Variants in MS4A7 observed in about 807,000 individuals in gnomAD.
MS4A7 encodes the protein membrane spanning 4-domains A7.
MS4A7 carries 21 observed loss-of-function variants against 23.5 expected under a neutral mutation model. The ratio of observed to expected loss-of-function variants is 0.89; its 90% confidence interval spans 0.63 to 1.29. The LOEUF (loss-of-function observed/expected upper bound fraction) is 1.29. MS4A7 is among the 50% of genes most tolerant of loss of function. MS4A7 has a pLI of 0.00. For missense variants in MS4A7, 263 were observed against 274.2 expected (o/e 0.96, Z 0.29); for synonymous variants, 111 against 107.4 (o/e 1.03, Z -0.21).
At chr11:60,383,404 C>A in intron 2 of MS4A7, 116 bp downstream of exon 2, 3 of 1,193,808 alleles carry the variant, frequency 2.5e-6, no homozygotes, top group Non-Finnish European at 3.5e-6. Context: ...TGACTCCAGG[C>A]TAATGAGGAC....
At chr11:60,393,388 G>A (rs978219009) in intron 6 of MS4A7, among the ~76,000 whole-genome samples, 7 of 152,188 alleles carry the variant, frequency 4.6e-5, no homozygotes, top group Admixed American at 1.3e-4. Flanking sequence ...CCTGCCTCCC[G>A]AGAGAGTCTC....
chr11:60,386,769 C>A lies in MS4A7; in HGVS notation c.335C>A (p.Pro112His), dbSNP rs2233249. The change falls in exon 4 of 7, where the codon CCC (proline) becomes CAC (histidine). Residue 112 changes from proline (P) to histidine (H), a missense_variant. Transcript: ENST00000300184. ...SIISGKQSTKPFDLSSLTSNA... is the reference protein window; with the variant it reads ...SIISGKQSTKHFDLSSLTSNA... ...ATCTCTGGAAAACAATCAACTAAGC[C>A]CTTTGTAAGTATAAGGACCATCAAA... is the stretch of plus-strand genomic sequence containing the variant. The A allele has an allele frequency of 5.0e-3, 8,111 of 1,610,516 alleles. 278 individuals are homozygous for A. In the African/African-American group the frequency reaches 0.071, roughly 14 times the overall value.
At chr11:60,380,691 C>T (rs2085419441) in intron 1 of MS4A7, among the ~76,000 whole-genome samples, 1 of 152,186 alleles carries the variant, frequency 6.6e-6, no homozygotes, top group Admixed American at 6.5e-5. Context: ...GCTATTGAGC[C>T]ACACAGAGCA....
In MS4A7 at chr11:60,389,584, T is replaced by C. The variant is rs751448392; in HGVS notation, c.534T>C (p.Ser178=). Reference sequence around the variant, plus strand: ...AAATCAAAGATTGTCTCCTGACCAGTGTCAGTTTAACAGTGAGTAGTTTCA... The same window carrying C: ...AAATCAAAGATTGTCTCCTGACCAGCGTCAGTTTAACAGTGAGTAGTTTCA... ...IYEIKDCLLT[S]VSLTGVLVVM... is the part of the protein sequence containing the mutation. The change falls in exon 5 of 7, where the codon AGT becomes AGC. Residue 178 remains serine (S), a synonymous_variant. Coordinates refer to ENST00000300184, the MANE Select transcript of MS4A7 (RefSeq NM_021201.5). The C allele has an allele frequency of 6.2e-7, 1 of 1,613,536 alleles. No homozygotes were observed.
intron 4 of MS4A7, 55 bp from the exon 5 acceptor site, chr11:60,389,335 A>G (rs1051889782): frequency 6.9e-7 from 1 of 1,439,864 alleles, no homozygotes; most frequent in Non-Finnish European, 9.6e-7. Flanking sequence ...CAGAGGACTA[A>G]TAGTGTCACG....
intron 1 of MS4A7, among the ~76,000 whole-genome samples, chr11:60,379,406 GTGAT>G (rs1181978288): frequency 4.6e-5 from 7 of 152,190 alleles, no homozygotes; most frequent in Non-Finnish European, 5.9e-5. Context: ...TCATGAACAT[GTGAT>G]TGATTAAATG....
intron 1 of MS4A7, among the ~76,000 whole-genome samples, chr11:60,382,277 A>C (rs2085438793): frequency 6.6e-6 from 1 of 152,202 alleles, no homozygotes; most frequent in Admixed American, 6.5e-5. Flanking sequence ...TTAACATGGC[A>C]TAGAGAAAAA....
rs569429488 is a variant in MS4A7, at chr11:60,393,781, T to C, written c.649-6T>C. ...TAAAAATTCTAACCAATTATGTATT[T>C]TCTAGAGTTCATTTTCCTCGACCCA... On this transcript the variant is annotated splice_region_variant and splice_polypyrimidine_tract_variant and intron_variant, in intron 6 of 6. Transcript: ENST00000300184. 2.1e-5 allele frequency: 33 copies of C among 1,601,134 alleles called. No homozygotes were observed. The South Asian group carries it at 3.6e-4, about 17-fold the overall frequency.
chr11:60,383,682 GGT>G (rs2085453748), intron 2 of MS4A7: 1 of 153,332 alleles, frequency 6.5e-6, no homozygotes, highest in Non-Finnish European at 1.4e-5. Context: ...TGGGACTATG[GGT>G]GCACGCCACC....
At chr11:60,384,823 T>G (rs1326589930) in intron 2 of MS4A7, among the ~76,000 whole-genome samples, 1 of 152,066 alleles carries the variant, frequency 6.6e-6, no homozygotes, top group Non-Finnish European at 1.5e-5. Context: ...ATTTAAAAAC[T>G]GTCAAGTATC....
intron 4 of MS4A7, among the ~76,000 whole-genome samples, chr11:60,387,358 G>C (rs967160583): frequency 1.3e-5 from 2 of 152,092 alleles, no homozygotes; most frequent in Non-Finnish European, 2.9e-5. Context: ...CTGTGACCGT[G>C]GTAACAAGTT....
chr11:60,389,156 A>G, intron 4 of MS4A7: 4 of 507,038 alleles, frequency 7.9e-6, no homozygotes, highest in Non-Finnish European at 1.4e-5. Context: ...CCCTCTCCCT[A>G]AGGAGGAATT....
intron 1 of MS4A7, among the ~76,000 whole-genome samples, chr11:60,382,870 C>T (rs967364218): frequency 1.3e-5 from 2 of 152,148 alleles, no homozygotes; most frequent in African/African-American, 4.8e-5. Context: ...ATGTGATTTG[C>T]TCACCTCTCA....
In MS4A7 at chr11:60,386,704, C is replaced by A; in HGVS notation, c.283-13C>A. ...AGACAACTGAACTGATCATTTCTCT[C>A]TCTTCTGGGCAGTTTGGCATTACTG... On this transcript the variant is annotated splice_polypyrimidine_tract_variant and intron_variant, in intron 3 of 6. Coordinates refer to ENST00000300184, the MANE Select transcript of MS4A7 (RefSeq NM_021201.5). 6.2e-7 allele frequency: 1 copy of A among 1,607,650 alleles called. No individual in the cohort carries two copies. The highest frequency in any genetic ancestry group is 8.5e-7 in the Non-Finnish European group (1 of 1,174,884).
At chr11:60,386,690 C>T in intron 3 of MS4A7, 27 bp from the exon 4 acceptor site, 1 of 1,591,776 alleles carries the variant, frequency 6.3e-7, no homozygotes. Context: ...GACAACTGAA[C>T]TGATCATTTC....
In MS4A7 at chr11:60,395,059, T is replaced by C; in HGVS notation, c.*1198T>C. 3.6e-6 allele frequency: 2 copies of C among 551,398 alleles called. No homozygotes were observed. The highest frequency in any genetic ancestry group is 1.9e-5 in the African/African-American group (1 of 53,110). 34.2% of individuals were successfully genotyped at this position (551,398 alleles called of 1,614,324 possible). ...GCTGCTCATGCTGAAAAGAATAATG[T>C]CTATTTCTTTGTTTGGGTATTAGCT... On this transcript the variant is annotated 3_prime_UTR_variant, in exon 7 of 7. Transcript: ENST00000300184.
rs765765430 is a variant in MS4A7 at position 60,385,130 on chromosome 11, G to T, written c.190G>T (p.Ala64Ser). Residue 64 changes from alanine to serine, a missense_variant, in exon 3 of 7, where the codon GCC (alanine) becomes TCC (serine). By Grantham distance (99) the Ala-to-Ser change is moderately conservative. Transcript: ENST00000300184. Reference protein sequence around the residue: ...LCCLLISSLGAILVFAPYPSH... With the variant: ...LCCLLISSLGSILVFAPYPSH... ...TTGCCTGTTGATTTCAAGTCTGGGG[G>T]CCATCTTGGTTTTTGCTCCCTACCC... 3.1e-6 allele frequency: 5 copies of T among 1,613,982 alleles called. No homozygotes were observed. The highest frequency in any genetic ancestry group is 1.7e-4 in the Middle Eastern group (1 of 6,060).
In MS4A7 at chr11:60,389,294, A is replaced by G. The variant is rs1369241765; in HGVS notation, c.340-96A>G. 6 of 972,428 alleles carry G rather than the reference A, an allele frequency of 6.2e-6. No homozygotes were observed. The Admixed American group carries it at 1.1e-4, about 17-fold the overall frequency. 60.2% of individuals were successfully genotyped at this position (972,428 alleles called of 1,614,324 possible). On this transcript the variant is annotated intron_variant, in intron 4 of 6. Coordinates refer to ENST00000300184, the MANE Select transcript of MS4A7 (RefSeq NM_021201.5). Reference sequence around the variant, plus strand: ...ACACAAGGAAACAGGAAGGAAACAGACCCAAGGAAGCACCATTGCAGTACA... The same window carrying G: ...ACACAAGGAAACAGGAAGGAAACAGGCCCAAGGAAGCACCATTGCAGTACA...
At chr11:60,386,917 C>T in intron 4 of MS4A7, 144 bp downstream of exon 4, 1 of 671,180 alleles carries the variant, frequency 1.5e-6, no homozygotes, top group Non-Finnish European at 2.4e-6. Flanking sequence ...CCTGGCTGTC[C>T]CATTGGTAGA....
Sources: gnomAD v4.1 joint callset for allele counts (sites outside exome capture counted in the v4.1 genomes callset) on GRCh38, gnomAD v4.1.1 for gene constraint, MANE v1.5 for transcripts, NCBI Gene and HGNC (gene_info 2026-07-23, HGNC 2026-07-21) for gene names.